Variants in CRPPA observed in about 807,000 individuals in gnomAD.
CRPPA encodes the protein D-ribitol-5-phosphate cytidylyltransferase.
Under a neutral mutation model 52.0 loss-of-function variants are expected in CRPPA, and 43 were observed. The ratio of observed to expected loss-of-function variants is 0.83; its 90% CI spans 0.65 to 1.07. The LOEUF (loss-of-function observed/expected upper bound fraction) is 1.07. Among genes scored for constraint, CRPPA ranks in the 50% least tolerant of loss-of-function variants. CRPPA has a pLI of 0.00. For missense variants in CRPPA, 629 were observed against 551.7 expected (o/e 1.14, Z -1.40); for synonymous variants, 250 against 203.5 (o/e 1.23, Z -1.94).
chr7:16,165,264 C>A (rs1332407561), intron 9 of CRPPA, among the ~76,000 whole-genome samples: 1 of 150,920 alleles, frequency 6.6e-6, no homozygotes, highest in Admixed American at 6.6e-5. Flanking sequence ...AAATTAATAT[C>A]ACCTGTAAAT....
chr7:16,397,560 G>C (rs542846293), intron 2 of CRPPA, among the ~76,000 whole-genome samples: 2 of 151,636 alleles, frequency 1.3e-5, no homozygotes, highest in South Asian at 4.2e-4. Context: ...AATGTGATGT[G>C]ACCAATTTGA....
At chr7:16,237,115 T>C (rs1782975634) in intron 8 of CRPPA, among the ~76,000 whole-genome samples, 1 of 152,204 alleles carries the variant, frequency 6.6e-6, no homozygotes, top group Non-Finnish European at 1.5e-5. Context: ...CCAAGTTTTA[T>C]GAGACATAAA....
At chr7:16,326,045 T>A (rs1479463511) in intron 3 of CRPPA, among the ~76,000 whole-genome samples, 1 of 134,206 alleles carries the variant, frequency 7.5e-6, no homozygotes, top group Non-Finnish European at 1.6e-5. Context: ...TAAATATGCT[T>A]TAAGTAAGAA....
At position 16,319,690 on chromosome 7, in the gene CRPPA, G is replaced by A. The variant is rs184274332; in HGVS notation, c.685-11063C>T. ...CCACGAAGATAGCAGCTGGCTGAGT[G>A]GGAGAAGCAGCCATGGGCTTTCCTA... On this transcript the variant is annotated intron_variant, in intron 3 of 9. Coordinates refer to ENST00000407010, the MANE Select transcript of CRPPA (RefSeq NM_001101426.4). Among the ~76,000 whole-genome samples, 49 of 152,262 alleles carry A rather than the reference G, an allele frequency of 3.2e-4. 1 individual carries two copies. Among genetic ancestry groups the A allele is most frequent in the African/African-American group, 1.2e-3 (48 of 41,560 alleles).
intron 9 of CRPPA, among the ~76,000 whole-genome samples, chr7:16,173,945 A>C (rs1447531784): frequency 6.6e-6 from 1 of 152,196 alleles, no homozygotes; most frequent in Non-Finnish European, 1.5e-5. Context: ...TTGAGAAAAA[A>C]CTGAATTCTT....
At chr7:16,362,073 C>G (rs996213685) in intron 3 of CRPPA, among the ~76,000 whole-genome samples, 1 of 152,158 alleles carries the variant, frequency 6.6e-6, no homozygotes, top group Non-Finnish European at 1.5e-5. Flanking sequence ...CCAGGATGGT[C>G]TCGATCTCCT....
At chr7:16,308,125 C>T (rs1413229172) in intron 4 of CRPPA, among the ~76,000 whole-genome samples, 1 of 152,022 alleles carries the variant, frequency 6.6e-6, no homozygotes, top group Non-Finnish European at 1.5e-5. Flanking sequence ...TAATTGGAAG[C>T]CTCCTGAGGC....
intron 2 of CRPPA, among the ~76,000 whole-genome samples, chr7:16,387,044 G>GATATATATAT (rs57024916): frequency 9.4e-5 from 9 of 95,996 alleles, no homozygotes; most frequent in Non-Finnish European, 1.5e-4. Flanking sequence ...ATAAAAAAAA[G>GATATATATAT]ATATATATAT....
chr7:16,236,950 G>GCGCACACA (rs113087076), intron 8 of CRPPA, among the ~76,000 whole-genome samples: 77 of 149,690 alleles, frequency 5.1e-4, no homozygotes, highest in African/African-American at 1.8e-3. Flanking sequence ...TCGTGCGCGC[G>GCGCACACA]CACACACACA....
chr7:16,119,912 G>A (rs1267909175), intron 9 of CRPPA, among the ~76,000 whole-genome samples: 1 of 152,166 alleles, frequency 6.6e-6, no homozygotes, highest in Non-Finnish European at 1.5e-5. Flanking sequence ...GCAAATAAAA[G>A]GTGTTTAAAT....
intron 8 of CRPPA, among the ~76,000 whole-genome samples, chr7:16,252,809 C>A (rs1238405202): frequency 6.6e-6 from 1 of 152,090 alleles, no homozygotes; most frequent in African/African-American, 2.4e-5. Context: ...TTCAGGGATT[C>A]AACTTCTTCC....
At chr7:16,397,385 G>C (rs1263059292) in intron 2 of CRPPA, among the ~76,000 whole-genome samples, 1 of 152,228 alleles carries the variant, frequency 6.6e-6, no homozygotes, top group Admixed American at 6.5e-5. Flanking sequence ...TGTGACATAT[G>C]ACAGATGTGA....
At chr7:16,204,412 G>A (rs1167112006) in intron 9 of CRPPA, among the ~76,000 whole-genome samples, 1 of 152,088 alleles carries the variant, frequency 6.6e-6, no homozygotes, top group Non-Finnish European at 1.5e-5. Context: ...ATTAGTGGGA[G>A]CTAAATAACG....
chr7:16,278,216 G>A lies in CRPPA; in HGVS notation c.846C>T (p.Ser282=). ...AAESIIKERI[S]QEICVVMDTE... ...TATCCATAACTACACAAATCTCTTGGGAAATTCTCTCTGAAATTAAAAAAA... is the reference window on the plus strand; with the variant it reads ...TATCCATAACTACACAAATCTCTTGAGAAATTCTCTCTGAAATTAAAAAAA... The change falls in exon 6 of 10, where the codon TCC becomes TCT. Residue 282 remains serine, a synonymous_variant. Coordinates refer to ENST00000407010, the MANE Select transcript of CRPPA (RefSeq NM_001101426.4). 6.5e-7 allele frequency: 1 copy of A among 1,540,696 alleles called. No individual in the cohort carries two copies. The highest frequency in any genetic ancestry group is 8.8e-7 in the Non-Finnish European group (1 of 1,133,142).
At chr7:16,166,158 T>G (rs952720724) in intron 9 of CRPPA, among the ~76,000 whole-genome samples, 1 of 152,186 alleles carries the variant, frequency 6.6e-6, no homozygotes, top group Non-Finnish European at 1.5e-5. Flanking sequence ...GTTTAACCTG[T>G]TTTCATTTGT....
intron 1 of CRPPA, among the ~76,000 whole-genome samples, chr7:16,417,635 G>A (rs963663030): frequency 1.3e-5 from 2 of 152,156 alleles, no homozygotes; most frequent in Non-Finnish European, 2.9e-5. Flanking sequence ...GGGATCACTA[G>A]AGGGAGGAGG....
chr7:16,330,854 C>T (rs1435978170), intron 3 of CRPPA, among the ~76,000 whole-genome samples: 1 of 152,236 alleles, frequency 6.6e-6, no homozygotes, highest in African/African-American at 2.4e-5. Context: ...CATAATGAAC[C>T]TGTGGGAAAC....
intron 6 of CRPPA, among the ~76,000 whole-genome samples, chr7:16,259,355 C>G (rs146062721): frequency 6.6e-6 from 1 of 151,874 alleles, no homozygotes; most frequent in Non-Finnish European, 1.5e-5. Context: ...AGAAAGGGTG[C>G]AGTGATGATT....
At chr7:16,285,448 A>T (rs1311392649) in intron 5 of CRPPA, among the ~76,000 whole-genome samples, 3 of 152,180 alleles carry the variant, frequency 2.0e-5, no homozygotes, top group Non-Finnish European at 2.9e-5. Context: ...CCAGTGGCAG[A>T]TGGCAAAATA....
Sources: gnomAD v4.1 joint callset for allele counts (sites outside exome capture counted in the v4.1 genomes callset) on GRCh38, gnomAD v4.1.1 for gene constraint, MANE v1.5 for transcripts, NCBI Gene and HGNC (gene_info 2026-07-23, HGNC 2026-07-21) for gene names.